Variants in SH3PXD2A observed in about 807,000 individuals in gnomAD.
SH3PXD2A encodes SH3 and PX domain-containing protein 2A.
In SH3PXD2A, 32 loss-of-function variants were observed where a neutral mutation model predicts 115.2. The ratio of observed to expected loss-of-function variants is 0.28; its 90% CI spans 0.21 to 0.37. SH3PXD2A has a LOEUF of 0.37. Ranked by LOEUF, SH3PXD2A falls within the 10% of genes least tolerant of loss-of-function variation. The pLI is 1.00. For missense variants in SH3PXD2A, 1,328 were observed against 1,498.7 expected, an observed-to-expected ratio of 0.89 and a Z score of 1.88; for synonymous variants, 610 against 629.1, an observed-to-expected ratio of 0.97 and a Z score of 0.45.
At chr10:103,810,340 C>T (rs2134276089) in intron 1 of SH3PXD2A, among the ~76,000 whole-genome samples, 1 of 152,324 alleles carries the variant, frequency 6.6e-6, no homozygotes, top group African/African-American at 2.4e-5. Context: ...GCAAAGCATC[C>T]AACCTCCAGG....
intron 1 of SH3PXD2A, among the ~76,000 whole-genome samples, chr10:103,803,807 G>A (rs1351900260): frequency 1.3e-5 from 2 of 152,166 alleles, no homozygotes; most frequent in African/African-American, 4.8e-5. Context: ...ACACAGCTTC[G>A]GGAGGTCCTG....
chr10:103,752,260 T>C (rs1011710963), intron 3 of SH3PXD2A, among the ~76,000 whole-genome samples: 1 of 152,192 alleles, frequency 6.6e-6, no homozygotes, highest in African/African-American at 2.4e-5. Flanking sequence ...TACAGTGGGA[T>C]TTGAGGCAGG....
chr10:103,664,265 T>G (rs1002488005), intron 7 of SH3PXD2A, among the ~76,000 whole-genome samples: 2 of 152,184 alleles, frequency 1.3e-5, no homozygotes, highest in Non-Finnish European at 2.9e-5. Flanking sequence ...CAAACAAGAA[T>G]AGAGAGTTCT....
intron 5 of SH3PXD2A, among the ~76,000 whole-genome samples, chr10:103,696,116 A>T (rs1456688943): frequency 6.6e-6 from 1 of 152,152 alleles, no homozygotes; most frequent in African/African-American, 2.4e-5. Context: ...CATGGGGTTA[A>T]TGGGGTGGAG....
At chr10:103,760,830 A>T in intron 3 of SH3PXD2A, among the ~76,000 whole-genome samples, 1 of 152,114 alleles carries the variant, frequency 6.6e-6, no homozygotes, top group African/African-American at 2.4e-5. Context: ...GTTGCTGGGA[A>T]TACAGGTATG....
rs1481432156 is a variant in SH3PXD2A at position 103,596,408 on chromosome 10, T to G, written c.*5408A>C. 1 of 151,892 alleles carries G rather than the reference T, an allele frequency of 6.6e-6. No homozygotes were observed. The highest frequency in any genetic ancestry group is 6.6e-5 in the Admixed American group (1 of 15,144). 9.4% of individuals were successfully genotyped at this position (151,892 alleles called of 1,614,324 possible). ...TTAATGCCAGTGTGAAATTTCCAAC[T>G]AAATACTTAATAAAATAATTACAAA... is the stretch of plus-strand genomic sequence containing the variant. On this transcript the variant is annotated 3_prime_UTR_variant, in exon 15 of 15. Transcript: ENST00000369774.
chr10:103,767,589 G>A (rs544398586), intron 2 of SH3PXD2A, among the ~76,000 whole-genome samples: 11 of 152,202 alleles, frequency 7.2e-5, no homozygotes, highest in Non-Finnish European at 1.6e-4. Context: ...GATGGGGGAA[G>A]GCCCCACCTG....
chr10:103,724,057 C>T (rs1034012564), intron 5 of SH3PXD2A, among the ~76,000 whole-genome samples: 3 of 152,216 alleles, frequency 2.0e-5, no homozygotes, highest in Non-Finnish European at 4.4e-5. Flanking sequence ...CTCTTCCCTG[C>T]AGCCCTGGGG....
chr10:103,623,973 T>C (rs974815029), intron 9 of SH3PXD2A, among the ~76,000 whole-genome samples: 2 of 152,216 alleles, frequency 1.3e-5, no homozygotes, highest in Middle Eastern at 3.2e-3. Context: ...GTTTAAACCA[T>C]GTACAAAGAT....
At chr10:103,680,074 G>C (rs1409088417) in intron 6 of SH3PXD2A, among the ~76,000 whole-genome samples, 1 of 151,830 alleles carries the variant, frequency 6.6e-6, no homozygotes, top group Non-Finnish European at 1.5e-5. Flanking sequence ...CTGCCTCCCC[G>C]GTTCAAGTGA....
intron 8 of SH3PXD2A, among the ~76,000 whole-genome samples, chr10:103,633,454 G>A (rs191866720): frequency 6.6e-6 from 1 of 151,926 alleles, no homozygotes; most frequent in Non-Finnish European, 1.5e-5. Flanking sequence ...TGGGCGTGGT[G>A]GCTCACGGCT....
At chr10:103,632,061 T>C (rs1248887341) in intron 8 of SH3PXD2A, among the ~76,000 whole-genome samples, 1 of 152,078 alleles carries the variant, frequency 6.6e-6, no homozygotes, top group African/African-American at 2.4e-5. Context: ...CTGCTACTTA[T>C]GAGCCTGAGG....
At chr10:103,726,820 C>A (rs925283137) in intron 4 of SH3PXD2A, among the ~76,000 whole-genome samples, 2 of 152,140 alleles carry the variant, frequency 1.3e-5, no homozygotes, top group African/African-American at 2.4e-5. Context: ...CTTCTCGATG[C>A]CAAACCCACA....
At chr10:103,723,901 T>A (rs1179318603) in intron 5 of SH3PXD2A, among the ~76,000 whole-genome samples, 1 of 152,150 alleles carries the variant, frequency 6.6e-6, no homozygotes, top group Non-Finnish European at 1.5e-5. Flanking sequence ...TCTGCAGCCA[T>A]AACAGCGAAG....
intron 6 of SH3PXD2A, among the ~76,000 whole-genome samples, chr10:103,671,291 G>A (rs896242062): frequency 3.3e-5 from 5 of 152,156 alleles, no homozygotes; most frequent in African/African-American, 1.2e-4. Context: ...AGCAGCCACA[G>A]GCAATACATA....
At chr10:103,724,506 C>A in intron 4 of SH3PXD2A, 145 bp from the exon 5 acceptor site, 1 of 523,758 alleles carries the variant, frequency 1.9e-6, no homozygotes, top group Non-Finnish European at 3.4e-6. Flanking sequence ...CCCACCTGTC[C>A]ACCCAGAAAA....
intron 5 of SH3PXD2A, among the ~76,000 whole-genome samples, chr10:103,722,260 C>T (rs2038191041): frequency 6.7e-6 from 1 of 149,344 alleles, no homozygotes; most frequent in African/African-American, 2.5e-5. Flanking sequence ...ACCGAGATTG[C>T]TCCACTGCAC....
At chr10:103,843,359 G>A (rs1397541917) in intron 1 of SH3PXD2A, among the ~76,000 whole-genome samples, 1 of 152,178 alleles carries the variant, frequency 6.6e-6, no homozygotes, top group Non-Finnish European at 1.5e-5. Context: ...GCCTGGTTTT[G>A]CCTAAGCAAG....
At chr10:103,661,801 G>A in intron 7 of SH3PXD2A, 1 of 985,284 alleles carries the variant, frequency 1.0e-6, no homozygotes, top group Non-Finnish European at 1.2e-6. Flanking sequence ...GAGACCCGTC[G>A]AATGAGGAGC....
Sources: allele counts gnomAD v4.1 joint callset (sites outside exome capture counted in the v4.1 genomes callset), GRCh38; gene constraint gnomAD v4.1.1; transcripts MANE v1.5; gene names NCBI Gene and HGNC (gene_info 2026-07-23, HGNC 2026-07-21).